Variants in FOXP2 observed in about 807,000 individuals in gnomAD.
The protein encoded by FOXP2 is forkhead box protein P2.
Under a neutral mutation model 115.8 loss-of-function variants are expected in FOXP2, and 12 were observed. The observed-to-expected ratio is 0.10, with a 90% confidence interval of 0.07 to 0.17. The LOEUF is 0.17. Among genes scored for constraint, FOXP2 ranks in the 10% least tolerant of loss-of-function variants. The pLI is 1.00. For missense variants in FOXP2, 629 were observed against 843.5 expected, an observed-to-expected ratio of 0.75 and a Z score of 3.15; for synonymous variants, 328 against 297.7, an observed-to-expected ratio of 1.10 and a Z score of -1.05.
At chr7:114,278,970 T>G (rs764270538) in intron 1 of FOXP2, among the ~76,000 whole-genome samples, 1 of 152,210 alleles carries the variant, frequency 6.6e-6, no homozygotes, top group Non-Finnish European at 1.5e-5. Context: ...CAGGAGCTTT[T>G]ATTTTATGAA....
chr7:114,393,770 A>G (rs1055892304), intron 2 of FOXP2, among the ~76,000 whole-genome samples: 1 of 152,166 alleles, frequency 6.6e-6, no homozygotes, highest in Non-Finnish European at 1.5e-5. Flanking sequence ...AGTTGTACAC[A>G]GGGAATTGAT....
chr7:114,475,898 C>G (rs1424663862), intron 2 of FOXP2, among the ~76,000 whole-genome samples: 1 of 151,896 alleles, frequency 6.6e-6, no homozygotes, highest in African/African-American at 2.4e-5. Context: ...AATTAATAGT[C>G]AAAAACATCT....
chr7:114,291,371 G>A (rs1027656780), intron 2 of FOXP2, among the ~76,000 whole-genome samples: 3 of 151,798 alleles, frequency 2.0e-5, no homozygotes, highest in South Asian at 2.1e-4. Flanking sequence ...ATCACATTGC[G>A]GGGTAGGATT....
chr7:114,290,764 T>A (rs77819049), intron 2 of FOXP2, among the ~76,000 whole-genome samples: 8,938 of 152,126 alleles, frequency 0.059, 749 homozygotes, highest in African/African-American at 0.18. Flanking sequence ...ATAGTTCCAA[T>A]ACAAACCTAC....
chr7:114,132,274 G>A (rs1485431692), intron 1 of FOXP2, among the ~76,000 whole-genome samples: 1 of 151,390 alleles, frequency 6.6e-6, no homozygotes, highest in African/African-American at 2.4e-5. Context: ...TTCATTCTTT[G>A]TCTTCACATC....
chr7:114,599,442 A>T (rs1360192885), intron 3 of FOXP2, among the ~76,000 whole-genome samples: 1 of 152,124 alleles, frequency 6.6e-6, no homozygotes, highest in Admixed American at 6.6e-5. Context: ...ACTTTGGAAG[A>T]ATTCACTGGT....
intron 2 of FOXP2, among the ~76,000 whole-genome samples, chr7:114,325,257 A>G (rs1036334587): frequency 2.0e-5 from 3 of 151,926 alleles, no homozygotes; most frequent in East Asian, 1.9e-4. Flanking sequence ...CTTCTGAACC[A>G]TATACCCAGA....
At position 114,427,137 on chromosome 7, in the gene FOXP2, G is replaced by C. The variant is rs1458236048; in HGVS notation, c.168+458G>C. ...TTGCCTGCGTTAGCTGCAAATATTA[G>C]CTATTAATTAGTTGAAATCTGCTGA... On this transcript the variant is annotated intron_variant, in intron 2 of 16. Coordinates refer to ENST00000350908, the MANE Select transcript of FOXP2 (RefSeq NM_014491.4). Among the ~76,000 whole-genome samples the C allele has an allele frequency of 2.0e-5, 3 of 151,618 alleles. No individual in the cohort carries two copies. The East Asian group carries it at 5.8e-4, about 29-fold the overall frequency.
At chr7:114,472,716 T>C (rs1252509470) in intron 2 of FOXP2, among the ~76,000 whole-genome samples, 1 of 152,192 alleles carries the variant, frequency 6.6e-6, no homozygotes, top group Non-Finnish European at 1.5e-5. Flanking sequence ...ACTTGGTCTT[T>C]ACAAATTTAC....
intron 2 of FOXP2, among the ~76,000 whole-genome samples, chr7:114,321,710 T>C (rs1402152677): frequency 1.3e-5 from 2 of 152,188 alleles, no homozygotes; most frequent in Non-Finnish European, 2.9e-5. Context: ...CAGGATGTTT[T>C]TGCAAGCTGG....
intron 2 of FOXP2, among the ~76,000 whole-genome samples, chr7:114,486,040 A>G (rs1777995485): frequency 6.6e-6 from 1 of 152,192 alleles, no homozygotes; most frequent in Non-Finnish European, 1.5e-5. Context: ...TGAGATAGCA[A>G]TGTAGAATTA....
intron 2 of FOXP2, among the ~76,000 whole-genome samples, chr7:114,350,759 A>G (rs1791466255): frequency 6.6e-6 from 1 of 152,118 alleles, no homozygotes; most frequent in Admixed American, 6.6e-5. Flanking sequence ...TTCTGCTACA[A>G]TTTATTTGTA....
rs772620165 is a variant in FOXP2, at chr7:114,565,490, G to A, written c.258+30784G>A. On this transcript the variant is annotated intron_variant, in intron 3 of 16. Coordinates refer to ENST00000350908, the MANE Select transcript of FOXP2 (RefSeq NM_014491.4). ...CTTGTTAAAATGCATATCCCTGGAC[G>A]CTATACCAGATCTTATGAATCTGAA... is the stretch of plus-strand genomic sequence containing the variant. Among the ~76,000 whole-genome samples the A allele has an allele frequency of 5.9e-5, 9 of 152,054 alleles. No individual in the cohort carries two copies. In the South Asian group the frequency reaches 8.3e-4, roughly 14 times the overall value.
intron 1 of FOXP2, among the ~76,000 whole-genome samples, chr7:114,189,583 T>C (rs189875303): frequency 1.4e-4 from 22 of 152,298 alleles, no homozygotes; most frequent in Admixed American, 1.4e-3. Flanking sequence ...TTTTCATTAG[T>C]ATCTTAAATG....
intron 3 of FOXP2, among the ~76,000 whole-genome samples, chr7:114,555,191 A>G (rs1800397142): frequency 6.6e-6 from 1 of 152,134 alleles, no homozygotes. Context: ...TAATGTATTT[A>G]TTTATGCTCT....
chr7:114,221,702 C>T (rs1347683133), intron 1 of FOXP2, among the ~76,000 whole-genome samples: 1 of 152,146 alleles, frequency 6.6e-6, no homozygotes, highest in Non-Finnish European at 1.5e-5. Flanking sequence ...TTTGCTATAT[C>T]ACTTCTTCCT....
intron 3 of FOXP2, among the ~76,000 whole-genome samples, chr7:114,563,574 C>A (rs1272640339): frequency 2.6e-5 from 4 of 152,292 alleles, no homozygotes; most frequent in African/African-American, 9.6e-5. Flanking sequence ...GATGCTGACC[C>A]ACAAGGTGGG....
chr7:114,341,848 T>C (rs555587870), intron 2 of FOXP2, among the ~76,000 whole-genome samples: 1 of 151,522 alleles, frequency 6.6e-6, no homozygotes, highest in African/African-American at 2.4e-5. Flanking sequence ...TTTTATAGTC[T>C]GCTCATAAAC....
intron 1 of FOXP2, among the ~76,000 whole-genome samples, chr7:114,112,685 G>A (rs1791303702): frequency 6.6e-6 from 1 of 152,104 alleles, no homozygotes; most frequent in Admixed American, 6.6e-5. Context: ...ATTGTCAGGA[G>A]CAGGAGAATA....
Sources: gnomAD v4.1 joint callset for allele counts (sites outside exome capture counted in the v4.1 genomes callset) on GRCh38, gnomAD v4.1.1 for gene constraint, MANE v1.5 for transcripts, NCBI Gene and HGNC (gene_info 2026-07-23, HGNC 2026-07-21) for gene names.